The following GPHN variants were observed in gnomAD, a reference collection of about 807,000 sequenced individuals.
The protein encoded by GPHN is gephyrin.
GPHN carries 17 observed loss-of-function variants against 95.5 expected under a neutral mutation model. The ratio of observed to expected loss-of-function variants is 0.18; its 90% CI spans 0.12 to 0.27. GPHN has a LOEUF of 0.27. Ranked by LOEUF, GPHN falls within the 10% of genes least tolerant of loss-of-function variation. GPHN has a pLI of 1.00. For synonymous variants in GPHN, 320 were observed against 322.5 expected (o/e 0.99, Z 0.08); for missense variants, 660 against 978.1 (o/e 0.67, Z 4.34).
chr14:67,275,874 T>C, the GPHN span, among the ~76,000 whole-genome samples: 1 of 152,204 alleles, frequency 6.6e-6, no homozygotes, highest in Non-Finnish European at 1.5e-5. Context: ...CAGGAATTTA[T>C]CCATTTCTTC....
At chr14:66,709,312 C>T (rs1044681960) in intron 2 of GPHN, 21 of 455,640 alleles carry the variant, frequency 4.6e-5, no homozygotes, top group Admixed American at 1.2e-4. Context: ...TGAAGAGCCC[C>T]ATCTATCACA....
At chr14:66,991,870 T>TC (rs11429396) in intron 9 of GPHN, among the ~76,000 whole-genome samples, 39,494 of 110,908 alleles carry the variant, frequency 0.36, 7,837 homozygotes, top group African/African-American at 0.62. Context: ...AGACCCTGTC[T>TC]AAAAAAAAAA....
At chr14:67,127,047 G>A (rs1050475271) in intron 17 of GPHN, among the ~76,000 whole-genome samples, 4 of 144,372 alleles carry the variant, frequency 2.8e-5, no homozygotes, top group African/African-American at 1.0e-4. Flanking sequence ...ATTGAACAAT[G>A]AGATCACATG....
At chr14:67,389,786 T>A in the GPHN span, among the ~76,000 whole-genome samples, 1 of 152,036 alleles carries the variant, frequency 6.6e-6, no homozygotes, top group Non-Finnish European at 1.5e-5. Context: ...TTTTTTTTTT[T>A]TTTAAGTGTT....
At chr14:66,959,794 G>T (rs1308189647) in intron 8 of GPHN, among the ~76,000 whole-genome samples, 1 of 151,866 alleles carries the variant, frequency 6.6e-6, no homozygotes, top group Admixed American at 6.6e-5. Flanking sequence ...AAGTTTTTAG[G>T]CATTGTTTCC....
the GPHN span, among the ~76,000 whole-genome samples, chr14:67,603,989 GT>G: frequency 6.8e-6 from 1 of 146,110 alleles, no homozygotes; most frequent in African/African-American, 2.5e-5. Context: ...CCCTGCCCTT[GT>G]TTTTTGTTTT....
chr14:67,622,674 A>C, the GPHN span, among the ~76,000 whole-genome samples: 11 of 152,228 alleles, frequency 7.2e-5, no homozygotes, highest in African/African-American at 2.7e-4. Flanking sequence ...TTTTAAAAGA[A>C]TCATTTTACA....
intron 9 of GPHN, among the ~76,000 whole-genome samples, chr14:67,016,887 A>G (rs563402589): frequency 6.6e-6 from 1 of 152,252 alleles, no homozygotes; most frequent in South Asian, 2.1e-4. Context: ...TAAAATATTC[A>G]TAAAGATAAT....
At chr14:67,626,809 CAT>C in the GPHN span, among the ~76,000 whole-genome samples, 1 of 152,178 alleles carries the variant, frequency 6.6e-6, no homozygotes, top group Non-Finnish European at 1.5e-5. Context: ...TAATGGTCAA[CAT>C]GTGGAAACTC....
At chr14:67,484,265 G>C in the GPHN span, among the ~76,000 whole-genome samples, 1 of 152,190 alleles carries the variant, frequency 6.6e-6, no homozygotes, top group Non-Finnish European at 1.5e-5. Context: ...TCAGTGCCTA[G>C]AGTGGTGCCT....
the GPHN span, among the ~76,000 whole-genome samples, chr14:67,532,364 G>A: frequency 1.3e-5 from 2 of 152,184 alleles, no homozygotes; most frequent in Admixed American, 1.3e-4. Context: ...GAGGAAGAAG[G>A]CTCTGTTTTG....
At chr14:67,447,579 A>G in the GPHN span, 1 of 152,190 alleles carries the variant, frequency 6.6e-6, no homozygotes, top group Non-Finnish European at 1.5e-5. Flanking sequence ...CAGGAGGGAT[A>G]TATTGGGAGG....
At chr14:66,911,156 G>A (rs1187656929) in intron 5 of GPHN, among the ~76,000 whole-genome samples, 2 of 151,894 alleles carry the variant, frequency 1.3e-5, no homozygotes, top group Non-Finnish European at 2.9e-5. Context: ...AGTAAAAGAA[G>A]CAAGTCACAA....
the GPHN span, among the ~76,000 whole-genome samples, chr14:67,257,458 TG>T: frequency 6.6e-6 from 1 of 152,180 alleles, no homozygotes; most frequent in East Asian, 1.9e-4. Flanking sequence ...TTAGTGGTTT[TG>T]GGGTCCTGAT....
intron 1 of GPHN, among the ~76,000 whole-genome samples, chr14:66,539,319 A>G (rs1207207330): frequency 6.6e-6 from 1 of 151,570 alleles, no homozygotes; most frequent in Non-Finnish European, 1.5e-5. Flanking sequence ...TTCATTACTT[A>G]GAATTCAGCA....
intron 12 of GPHN, 29 bp downstream of exon 12, chr14:67,089,104 T>A: frequency 2.4e-6 from 2 of 847,890 alleles, no homozygotes; most frequent in Non-Finnish European, 4.1e-6. Flanking sequence ...TTAAACATAA[T>A]CAGGCACTGT....
At chr14:66,720,444 CT>C (rs1324058960) in intron 2 of GPHN, among the ~76,000 whole-genome samples, 4 of 152,124 alleles carry the variant, frequency 2.6e-5, no homozygotes, top group Non-Finnish European at 4.4e-5. Context: ...ATTTCAGCTA[CT>C]TGGGAGGCTA....
intron 2 of GPHN, among the ~76,000 whole-genome samples, chr14:66,721,730 C>T (rs1310338618): frequency 6.6e-6 from 1 of 152,030 alleles, no homozygotes; most frequent in Non-Finnish European, 1.5e-5. Context: ...GCAGGCGAAT[C>T]ACCTGAGGTC....
chr14:66,733,196 A>G (rs753189926), intron 2 of GPHN, among the ~76,000 whole-genome samples: 5 of 151,806 alleles, frequency 3.3e-5, no homozygotes, highest in Admixed American at 3.3e-4. Context: ...TGCTTGTGCT[A>G]GGTCTCTCTT....
Sources: allele counts gnomAD v4.1 joint callset (sites outside exome capture counted in the v4.1 genomes callset), GRCh38; gene constraint gnomAD v4.1.1; transcripts MANE v1.5; gene names NCBI Gene and HGNC (gene_info 2026-07-23, HGNC 2026-07-21).